ADGRL2: variants seen among roughly 807,000 people sequenced by gnomAD.
ADGRL2 encodes calcium-independent alpha-latrotoxin receptor 2.
Under a neutral mutation model 157.4 loss-of-function variants are expected in ADGRL2, and 44 were observed. The observed-to-expected ratio is 0.28, with a 90% CI of 0.22 to 0.36. The LOEUF is 0.36. Among genes scored for constraint, ADGRL2 ranks in the 10% least tolerant of loss-of-function variants. The pLI is 1.00. For synonymous variants in ADGRL2, 585 were observed against 624.7 expected, an observed-to-expected ratio of 0.94 and a Z score of 0.95; for missense variants, 1,510 against 1,768.9, an observed-to-expected ratio of 0.85 and a Z score of 2.63.
At chr1:81,906,330 C>G (rs1488729460) in intron 2 of ADGRL2, among the ~76,000 whole-genome samples, 1 of 152,120 alleles carries the variant, frequency 6.6e-6, no homozygotes, top group Non-Finnish European at 1.5e-5. Context: ...GTATGTCACC[C>G]AGTACTGCTT....
rs570242669 is a variant in ADGRL2 at position 81,500,921 on chromosome 1, A to G, written c.-248+55832A>G. Among the ~76,000 whole-genome samples, 236 of 152,332 alleles carry G rather than the reference A, an allele frequency of 1.5e-3. 1 individual carries two copies. Among genetic ancestry groups the G allele is most frequent in the African/African-American group, 5.1e-3 (211 of 41,574 alleles). ...AGAAACTCTTTGATATCCAAAACTAATAGTCTGAGTCTATCAAAAGAGAGC... is the reference window on the plus strand; with the variant it reads ...AGAAACTCTTTGATATCCAAAACTAGTAGTCTGAGTCTATCAAAAGAGAGC... On this transcript the variant is annotated intron_variant, in intron 2 of 24. Coordinates refer to the ADGRL2 transcript ENST00000370721.
At chr1:81,503,060 G>A (rs988751476) in intron 2 of ADGRL2, 122 of 1,609,274 alleles carry the variant, frequency 7.6e-5, no homozygotes, top group Middle Eastern at 7.0e-4. Context: ...GAGCAGCTGC[G>A]GGAGCGGCTG....
chr1:81,817,275 A>ATTT (rs67010910), intron 1 of ADGRL2, among the ~76,000 whole-genome samples: 1 of 144,754 alleles, frequency 6.9e-6, no homozygotes, highest in Non-Finnish European at 1.5e-5. Flanking sequence ...CTTCCGTCCC[A>ATTT]TTTTTTTTTT....
intron 2 of ADGRL2, among the ~76,000 whole-genome samples, chr1:81,509,904 C>A (rs561156537): frequency 6.6e-6 from 1 of 152,128 alleles, no homozygotes; most frequent in Non-Finnish European, 1.5e-5. Context: ...TTAATCCTTG[C>A]GAGTCTGCCC....
chr1:81,839,907 T>A (rs145898605), intron 2 of ADGRL2, among the ~76,000 whole-genome samples: 6,293 of 136,054 alleles, frequency 0.046, 492 homozygotes, highest in African/African-American at 0.15. Flanking sequence ...ATATATATAT[T>A]TTCCATCATA....
intron 1 of ADGRL2, among the ~76,000 whole-genome samples, chr1:81,355,042 G>C (rs1663178848): frequency 6.6e-6 from 1 of 152,170 alleles, no homozygotes; most frequent in Non-Finnish European, 1.5e-5. Context: ...AAAGCTCTTT[G>C]CTACTTATCA....
intron 1 of ADGRL2, among the ~76,000 whole-genome samples, chr1:81,432,667 C>G (rs779856333): frequency 2.6e-5 from 4 of 152,154 alleles, no homozygotes; most frequent in Non-Finnish European, 4.4e-5. Flanking sequence ...TTCCTGCCCC[C>G]CTCCTCGGCG....
chr1:81,400,917 T>G (rs1340306228), intron 1 of ADGRL2, among the ~76,000 whole-genome samples: 1 of 152,158 alleles, frequency 6.6e-6, no homozygotes, highest in African/African-American at 2.4e-5. Flanking sequence ...AGGTACTGCA[T>G]CAGCTCAGCC....
intron 1 of ADGRL2, among the ~76,000 whole-genome samples, chr1:81,403,801 T>TC (rs1230235578): frequency 3.1e-4 from 45 of 144,040 alleles, no homozygotes; most frequent in African/African-American, 1.0e-3. Flanking sequence ...TGTCTTTGAT[T>TC]TTTTTTTTTT....
At chr1:81,356,977 G>GTTGTTTCC (rs1570712778) in intron 1 of ADGRL2, among the ~76,000 whole-genome samples, 1 of 70,850 alleles carries the variant, frequency 1.4e-5, no homozygotes, top group African/African-American at 4.4e-5. Context: ...AAAAAAAGAA[G>GTTGTTTCC]TTGTTTCCTT....
chr1:81,494,299 A>T (rs12093169), intron 2 of ADGRL2, among the ~76,000 whole-genome samples: 22,261 of 152,088 alleles, frequency 0.15, 3,028 homozygotes, highest in African/African-American at 0.36. Context: ...TCCCATTTTT[A>T]AAATCTGGTC....
At chr1:81,936,048 T>C (rs2095305943) in intron 3 of ADGRL2, among the ~76,000 whole-genome samples, 2 of 151,970 alleles carry the variant, frequency 1.3e-5, no homozygotes. Context: ...CATTGATCTA[T>C]GAATAGAAAG....
At chr1:81,545,351 A>G (rs949199662) in intron 2 of ADGRL2, among the ~76,000 whole-genome samples, 2 of 149,230 alleles carry the variant, frequency 1.3e-5, no homozygotes, top group African/African-American at 5.0e-5. Flanking sequence ...CAGCGATGTG[A>G]TCTTGGCTGT....
chr1:81,349,927 A>G (rs776876466), intron 1 of ADGRL2, among the ~76,000 whole-genome samples: 2 of 152,148 alleles, frequency 1.3e-5, no homozygotes, highest in Non-Finnish European at 2.9e-5. Context: ...TTCCCCAGTC[A>G]AGAAAGCACT....
At chr1:81,783,423 C>G (rs1309031996) in intron 2 of ADGRL2, among the ~76,000 whole-genome samples, 1 of 152,016 alleles carries the variant, frequency 6.6e-6, no homozygotes, top group Non-Finnish European at 1.5e-5. Flanking sequence ...AGCCACTATG[C>G]CTGGCCTCTT....
intron 3 of ADGRL2, among the ~76,000 whole-genome samples, chr1:81,630,138 T>C (rs559818262): frequency 1.7e-4 from 26 of 152,136 alleles, no homozygotes; most frequent in Admixed American, 5.9e-4. Flanking sequence ...AGAGCTGAGA[T>C]AGGCATTTTA....
intron 1 of ADGRL2, among the ~76,000 whole-genome samples, chr1:81,745,443 T>A (rs1432498858): frequency 6.6e-6 from 1 of 152,144 alleles, no homozygotes; most frequent in Non-Finnish European, 1.5e-5. Flanking sequence ...GGTATTAGGT[T>A]GAAACAGAGT....
At chr1:81,639,302 C>T (rs920631016) in intron 3 of ADGRL2, among the ~76,000 whole-genome samples, 1 of 152,106 alleles carries the variant, frequency 6.6e-6, no homozygotes, top group Non-Finnish European at 1.5e-5. Flanking sequence ...AACTCCTGAC[C>T]TCAGGTGACC....
intron 1 of ADGRL2, among the ~76,000 whole-genome samples, chr1:81,712,047 C>T (rs1291730093): frequency 2.6e-5 from 4 of 152,036 alleles, no homozygotes; most frequent in Non-Finnish European, 5.9e-5. Context: ...TTTGGCTAAT[C>T]GAATCCTGTG....
Sources: gnomAD v4.1 joint callset for allele counts (sites outside exome capture counted in the v4.1 genomes callset) on GRCh38, gnomAD v4.1.1 for gene constraint, MANE v1.5 for transcripts, NCBI Gene and HGNC (gene_info 2026-07-23, HGNC 2026-07-21) for gene names.